Variants in MYO1F observed in about 807,000 individuals in gnomAD.
The protein encoded by MYO1F is unconventional myosin-If.
In MYO1F, 60 loss-of-function variants were observed where a neutral mutation model predicts 146.6. The observed-to-expected ratio is 0.41, with a 90% CI of 0.33 to 0.51. The LOEUF is 0.51. MYO1F is among the 20% of genes least tolerant of loss of function. The probability of loss-of-function intolerance (pLI) is 0.25; values close to 1 mark genes in which losing one functional copy is unlikely to be tolerated. For missense variants in MYO1F, 1,274 were observed against 1,534.3 expected (o/e 0.83, Z 2.83); for synonymous variants, 602 against 602.1 (o/e 1.00, Z 0.00).
rs1192452702 is a variant in MYO1F at position 8,544,041 on chromosome 19, CTGG to C, written c.1524+253_1524+255del. On this transcript the variant is annotated intron_variant, in intron 14 of 27. Coordinates refer to ENST00000644032, the MANE Select transcript of MYO1F (RefSeq NM_012335.4). ...GGCGGTGGCGGTGGCGGTGGCGGTG[CTGG>C]TGGTGGTGGTGGTGGTGGTGGTGGT... 7.4e-3 allele frequency: 1,499 copies of C among 203,470 alleles called. 2 individuals are homozygous for C. Among genetic ancestry groups the C allele is most frequent in the South Asian group, 8.3e-3 (144 of 17,304 alleles). The allele number at this position is 203,470 out of a possible 1,614,324, so 12.6% of individuals were successfully genotyped here.
intron 1 of MYO1F, among the ~76,000 whole-genome samples, chr19:8,562,048 T>C (rs77825772): frequency 0.12 from 17,919 of 151,564 alleles, 1,107 homozygotes; most frequent in Admixed American, 0.15. Flanking sequence ...TCTTTTGTTT[T>C]TTTTGAGATG....
intron 4 of MYO1F, 121 bp from the exon 5 acceptor site, chr19:8,553,558 G>A: frequency 1.3e-6 from 1 of 798,198 alleles, no homozygotes; most frequent in South Asian, 1.5e-5. Context: ...TGGGGATACT[G>A]TAATGAACAA....
intron 1 of MYO1F, among the ~76,000 whole-genome samples, chr19:8,560,438 T>C (rs946598516): frequency 6.6e-6 from 1 of 150,894 alleles, no homozygotes; most frequent in Non-Finnish European, 1.5e-5. Flanking sequence ...TGAGCCGAGA[T>C]TGCACCATTG....
intron 27 of MYO1F, 148 bp downstream of exon 27, chr19:8,522,229 A>C: frequency 1.0e-6 from 1 of 998,766 alleles, no homozygotes; most frequent in Non-Finnish European, 1.5e-6. Context: ...TCACTGTGTT[A>C]GCCAGGATGG....
chr19:8,574,595 CTCTTTCTTTCTTTCTTTCTTTCTTTCTT>C (rs58145523), intron 1 of MYO1F, among the ~76,000 whole-genome samples: 49 of 105,928 alleles, frequency 4.6e-4, no homozygotes, highest in African/African-American at 1.9e-3. Flanking sequence ...CTCTCTCTCT[CTCTTTCTTTCTTTCTTTCTTTCTTTCTT>C]TCTTTCTTTC....
At chr19:8,529,598 T>C (rs1972398401) in intron 21 of MYO1F, among the ~76,000 whole-genome samples, 1 of 150,554 alleles carries the variant, frequency 6.6e-6, no homozygotes, top group Non-Finnish European at 1.5e-5. Context: ...GTATATCTAA[T>C]TTCCAGGTTG....
chr19:8,521,819 T>C (rs1972070144), intron 27 of MYO1F, among the ~76,000 whole-genome samples: 1 of 152,064 alleles, frequency 6.6e-6, no homozygotes, highest in African/African-American at 2.4e-5. Flanking sequence ...TAAAAGTTTT[T>C]TTTTTGTAAA....
chr19:8,532,653 A>T (rs1319072758), intron 19 of MYO1F, among the ~76,000 whole-genome samples: 1 of 151,952 alleles, frequency 6.6e-6, no homozygotes, highest in Non-Finnish European at 1.5e-5. Context: ...TTGGGAGGCT[A>T]AGGTGGGAGC....
At position 8,530,211 on chromosome 19, in the gene MYO1F, G is replaced by A. The variant is rs374767520; in HGVS notation, c.2313C>T (p.Tyr771=). 339 of 1,613,910 alleles carry A rather than the reference G, an allele frequency of 2.1e-4. 1 individual carries two copies. The highest frequency in any genetic ancestry group is 9.9e-4 in the Middle Eastern group (6 of 6,084). The change falls in exon 21 of 28, where the codon TAC becomes TAT. Residue 771 remains tyrosine (Y), a synonymous_variant. Coordinates refer to ENST00000644032, the MANE Select transcript of MYO1F (RefSeq NM_012335.4). This position sits in a 1 kb window ranked among gnomAD's most constrained non-coding sequence, Gnocchi z 5.8. ...RVDFADSVTK[Y]DRRFKPIKRD... is the part of the protein sequence containing the mutation. ...AGTGCCTCACCTTGAAGCGGCGGTC[G>A]TACTTGGTGACCGAATCGGCGAAGT... is the stretch of plus-strand genomic sequence containing the variant.
chr19:8,562,664 A>G (rs952455388), intron 1 of MYO1F, among the ~76,000 whole-genome samples: 1 of 151,544 alleles, frequency 6.6e-6, no homozygotes, highest in African/African-American at 2.4e-5. Flanking sequence ...CCTCCTGAGT[A>G]GCTGGGACCA....
intron 13 of MYO1F, 127 bp downstream of exon 13, chr19:8,545,523 G>A: frequency 1.2e-6 from 1 of 806,822 alleles, no homozygotes; most frequent in Non-Finnish European, 2.2e-6. Flanking sequence ...TCTGTCGCTG[G>A]AAGTCCTGAG....
chr19:8,522,752 G>A lies in MYO1F; in HGVS notation c.2932C>T (p.His978Tyr). 1.2e-6 allele frequency: 2 copies of A among 1,611,484 alleles called. No homozygotes were observed. ...PLEIMSGGGTHRPPRGPPSTS... is the reference protein window; with the variant it reads ...PLEIMSGGGTYRPPRGPPSTS... ...GACGGAGGGCCCCGGGGAGGCCTGT[G>A]GGTGCCCCCTCCAGACATGATCTCC... The change falls in exon 26 of 28, where the codon CAC (histidine) becomes TAC (tyrosine). Residue 978 changes from histidine (H) to tyrosine (Y), a missense_variant. Physicochemically the swap from His to Tyr is moderately conservative, Grantham distance 83. Around this residue, in one of 2 missense-constraint regions of MYO1F, gnomAD observed 374 missense variants for 379.2 expected, o/e 0.99. Coordinates refer to ENST00000644032, the MANE Select transcript of MYO1F (RefSeq NM_012335.4).
Position 8,553,230 on chromosome 19 carries a change from TG to T in MYO1F, c.415-3del. 6.2e-7 allele frequency: 1 copy of T among 1,614,118 alleles called. No homozygotes were observed. Among genetic ancestry groups the T allele is most frequent in the Non-Finnish European group, 8.5e-7 (1 of 1,180,006 alleles). On this transcript the variant is annotated splice_polypyrimidine_tract_variant and splice_region_variant and intron_variant, in intron 5 of 27. Coordinates refer to ENST00000644032, the MANE Select transcript of MYO1F (RefSeq NM_012335.4). Reference sequence around the variant, plus strand: ...CTGCAGGATGATATCTTTGACGTGCTGGGGCAGAGGCAGGTGGAGTGGGAAG... The same window carrying T: ...CTGCAGGATGATATCTTTGACGTGCTGGGCAGAGGCAGGTGGAGTGGGAAG...
Position 8,577,193 on chromosome 19 carries a change from A to G in MYO1F, c.3+114T>C, listed in dbSNP as rs2042253469. On this transcript the variant is annotated intron_variant, in intron 1 of 27. Coordinates refer to ENST00000644032, the MANE Select transcript of MYO1F (RefSeq NM_012335.4). This position sits in a 1 kb window ranked among gnomAD's most constrained non-coding sequence, Gnocchi z 4.3. ...CTGAGAGACACCCCACCCCCACAGA[A>G]GTCCACCATGCCCCTCCCCTCACCC... 3.1e-6 allele frequency: 4 copies of G among 1,274,392 alleles called. No individual in the cohort carries two copies. Among genetic ancestry groups the G allele is most frequent in the Non-Finnish European group, 4.5e-6 (4 of 894,274 alleles). 78.9% of individuals were successfully genotyped at this position (1,274,392 alleles called of 1,614,324 possible). A position where few individuals can be genotyped will look rare whatever the true frequency, so the allele number is the denominator to read the frequency against.
intron 1 of MYO1F, among the ~76,000 whole-genome samples, chr19:8,561,208 G>A (rs900527719): frequency 6.6e-6 from 1 of 152,036 alleles, no homozygotes; most frequent in African/African-American, 2.4e-5. Context: ...ATAAACAGCT[G>A]GGAGAAAGGG....
intron 4 of MYO1F, among the ~76,000 whole-genome samples, chr19:8,553,894 A>ACACACACACTCTCTCTCTCTCTCTCTCT: frequency 1.9e-5 from 2 of 102,606 alleles, no homozygotes; most frequent in African/African-American, 8.4e-5. Flanking sequence ...ACACACACAC[A>ACACACACACTCTCTCTCTCTCTCTCTCT]CTCTCTCTCT....
In MYO1F at chr19:8,525,509, G is replaced by A; in HGVS notation, c.2824C>T (p.Pro942Ser). Residue 942 changes from proline (P) to serine (S), a missense_variant, in exon 25 of 28, where the codon CCT (proline) becomes TCT (serine). By Grantham distance (74) the Pro-to-Ser change is moderately conservative. This residue lies in a region of MYO1F where 374 missense variants were observed against 379.2 expected (regional missense o/e 0.99). Transcript: ENST00000644032. ...GGGGGCGCAGGGGCCGCCCGGGTAG[G>A]GGCTTGGGACGACCTCCGAGGTTTT... is the stretch of plus-strand genomic sequence containing the variant. ...KGKPRRSSQA[P>S]TRAAPAPPRG... The A allele has an allele frequency of 6.2e-7, 1 of 1,613,542 alleles. No homozygotes were observed. The highest frequency in any genetic ancestry group is 1.6e-4 in the Middle Eastern group (1 of 6,062).
In MYO1F at chr19:8,530,164, G is replaced by C. The variant is rs1232975207; in HGVS notation, c.2328+32C>G. 1 of 1,613,790 alleles carries C rather than the reference G, an allele frequency of 6.2e-7. No individual in the cohort carries two copies. Among genetic ancestry groups the C allele is most frequent in the East Asian group, 2.2e-5 (1 of 44,882 alleles). On this transcript the variant is annotated intron_variant, in intron 21 of 27. Transcript: ENST00000644032. This position sits in a 1 kb window ranked among gnomAD's most constrained non-coding sequence, Gnocchi z 5.8. ...GGTGAGGGTGCCAGGCTGTAGTCAG[G>C]GTCTTGCTGTGCCCACCCACTAGTG...
At chr19:8,524,040 A>G (rs185454769) in intron 25 of MYO1F, among the ~76,000 whole-genome samples, 1 of 143,454 alleles carries the variant, frequency 7.0e-6, no homozygotes, top group East Asian at 2.2e-4. Context: ...AATTGCTTCA[A>G]CCTGGGAGGT....
Sources: allele counts gnomAD v4.1 joint callset (sites outside exome capture counted in the v4.1 genomes callset), GRCh38; gene constraint gnomAD v4.1.1; regional missense constraint gnomAD v4.1.1; non-coding constraint Gnocchi (gnomAD v3.1); transcripts MANE v1.5; gene names NCBI Gene and HGNC (gene_info 2026-07-23, HGNC 2026-07-21).